Variants in FMO4 observed in about 807,000 individuals in gnomAD.
FMO4 encodes dimethylaniline monooxygenase [N-oxide-forming] 4.
FMO4 carries 38 observed loss-of-function variants against 43.3 expected under a neutral mutation model. That is an observed-to-expected ratio of 0.88 (90% CI 0.68 to 1.15). The LOEUF is 1.15. Among genes scored for constraint, FMO4 ranks in the 50% most tolerant of loss-of-function variants. FMO4 has a pLI of 0.00. For missense variants in FMO4, 631 were observed against 663.3 expected, an observed-to-expected ratio of 0.95 and a Z score of 0.54; for synonymous variants, 224 against 232.2, an observed-to-expected ratio of 0.96 and a Z score of 0.32.
At chr1:171,324,916 T>C (rs1407893200) in intron 5 of FMO4, among the ~76,000 whole-genome samples, 1 of 152,190 alleles carries the variant, frequency 6.6e-6, no homozygotes, top group Non-Finnish European at 1.5e-5. Flanking sequence ...GAGACCAGCC[T>C]GGGCATCATG....
intron 8 of FMO4, among the ~76,000 whole-genome samples, chr1:171,336,967 A>G (rs902407235): frequency 3.3e-5 from 5 of 151,236 alleles, no homozygotes; most frequent in Admixed American, 2.0e-4. Flanking sequence ...ACATGCACAC[A>G]CACACACACA....
intron 9 of FMO4, among the ~76,000 whole-genome samples, chr1:171,340,218 T>G (rs756531910): frequency 2.0e-5 from 3 of 152,194 alleles, no homozygotes; most frequent in Non-Finnish European, 2.9e-5. Context: ...GTTTTTATTT[T>G]CCAGAGGGCA....
intron 8 of FMO4, 146 bp from the exon 9 acceptor site, chr1:171,337,210 T>C: frequency 1.5e-6 from 1 of 687,490 alleles, no homozygotes. Context: ...CAGAAAATTA[T>C]TTTCTGTGCT....
At chr1:171,318,633 T>A (rs1435298441) in intron 2 of FMO4, among the ~76,000 whole-genome samples, 1 of 152,200 alleles carries the variant, frequency 6.6e-6, no homozygotes, top group Non-Finnish European at 1.5e-5. Context: ...GAATTTCATG[T>A]CAGTATTCAA....
chr1:171,337,244 T>C lies in FMO4; in HGVS notation c.1181-112T>C, dbSNP rs1663157318. 3 of 760,838 alleles carry C rather than the reference T, an allele frequency of 3.9e-6. No homozygotes were observed. The Admixed American group carries it at 6.2e-5, about 16-fold the overall frequency. 47.1% of individuals were successfully genotyped at this position (760,838 alleles called of 1,614,324 possible). On this transcript the variant is annotated intron_variant, in intron 8 of 9. Coordinates refer to ENST00000367749, the MANE Select transcript of FMO4 (RefSeq NM_002022.3). ...CTGCATTTCCATTCTGAGCTTTGAC[T>C]ATCATGTGCTCTGAAGTTAGAGCAG...
rs773284654 is a variant in FMO4, at chr1:171,323,060, T to C, written c.189T>C (p.Cys63=). ...ATAAGTCATTAGTGACAAATGTCTG[T>C]AAGGAAATGTCATGTTACAGTGACT... The part of the protein sequence containing the change: ...RVYKSLVTNV[C]KEMSCYSDFP... The change falls in exon 4 of 10, where the codon TGT becomes TGC. Residue 63 remains cysteine (C), a synonymous_variant. Transcript: ENST00000367749. 3 of 1,613,164 alleles carry C rather than the reference T, an allele frequency of 1.9e-6. No individual in the cohort carries two copies. The highest frequency in any genetic ancestry group is 2.5e-6 in the Non-Finnish European group (3 of 1,179,210).
At chr1:171,332,946 T>C in intron 7 of FMO4, 38 bp downstream of exon 7, 1 of 900,032 alleles carries the variant, frequency 1.1e-6, no homozygotes, top group East Asian at 2.6e-5. Flanking sequence ...AAATATTAAA[T>C]CAATATTTAT....
At chr1:171,339,069 G>A (rs559615223) in intron 9 of FMO4, among the ~76,000 whole-genome samples, 1 of 152,130 alleles carries the variant, frequency 6.6e-6, no homozygotes, top group Admixed American at 6.6e-5. Flanking sequence ...ACAGAAATAG[G>A]TATGAATAAT....
Position 171,322,268 on chromosome 1 carries a change from A to C in FMO4, c.133-736A>C, listed in dbSNP as rs578164218. On this transcript the variant is annotated intron_variant, in intron 3 of 9. Transcript: ENST00000367749. ...TTGGGAATATACGGAGACAATAATG[A>C]GAAAAATTAGTAAGGTATTCCCTGA... Among the ~76,000 whole-genome samples the C allele has an allele frequency of 2.6e-5, 4 of 152,310 alleles. No homozygotes were observed. In the South Asian group the frequency reaches 8.3e-4, roughly 32 times the overall value.
chr1:171,325,191 T>C (rs930288969), intron 5 of FMO4, among the ~76,000 whole-genome samples: 5 of 152,218 alleles, frequency 3.3e-5, no homozygotes, highest in African/African-American at 1.2e-4. Flanking sequence ...GAAACTTCCA[T>C]TTGGAAATGC....
Position 171,323,122 on chromosome 1 carries a change from A to T in FMO4, c.251A>T (p.His84Leu), listed in dbSNP as rs779621214. 21 of 1,613,472 alleles carry T rather than the reference A, an allele frequency of 1.3e-5. No homozygotes were observed. The highest frequency in any genetic ancestry group is 6.7e-5 in the Admixed American group (4 of 59,966). Residue 84 changes from histidine (H) to leucine (L), a missense_variant, in exon 4 of 10, where the codon CAT (histidine) becomes CTT (leucine). Transcript: ENST00000367749. ...FHEDYPNFMNHEKFWDYLQEF... is the reference protein window; with the variant it reads ...FHEDYPNFMNLEKFWDYLQEF... ...GAAGATTATCCTAATTTCATGAACC[A>T]TGAAAAATTTTGGGACTATCTCCAA...
At chr1:171,334,094 C>T (rs1432978621) in intron 7 of FMO4, among the ~76,000 whole-genome samples, 2 of 152,136 alleles carry the variant, frequency 1.3e-5, no homozygotes, top group African/African-American at 4.8e-5. Context: ...AATTGATCAT[C>T]AAATGGATTG....
chr1:171,337,033 T>G (rs1240140651), intron 8 of FMO4, among the ~76,000 whole-genome samples: 2 of 151,812 alleles, frequency 1.3e-5, no homozygotes, highest in Non-Finnish European at 2.9e-5. Flanking sequence ...ATTATATTAT[T>G]TATACAGCAA....
At chr1:171,322,777 C>CG in intron 3 of FMO4, among the ~76,000 whole-genome samples, 1 of 152,284 alleles carries the variant, frequency 6.6e-6, no homozygotes, top group South Asian at 2.1e-4. Context: ...CGCTTGAACC[C>CG]GGGAGGCAGA....
intron 1 of FMO4, among the ~76,000 whole-genome samples, chr1:171,314,771 G>A (rs1480806142): frequency 6.6e-6 from 1 of 152,124 alleles, no homozygotes; most frequent in Non-Finnish European, 1.5e-5. Flanking sequence ...AAAAAATACT[G>A]TAACAAAGCA....
At position 171,332,766 on chromosome 1, in the gene FMO4, T is replaced by C. The variant is rs1348284222; in HGVS notation, c.685T>C (p.Tyr229His). 6.2e-7 allele frequency: 1 copy of C among 1,612,236 alleles called. No individual in the cohort carries two copies. The highest frequency in any genetic ancestry group is 1.7e-5 in the Admixed American group (1 of 60,006). The part of the protein sequence containing the change: ...WVLGRSSDWG[Y>H]PYNMMVTRRC... ...TCTTGGGCGCTCTTCAGATTGGGGC[T>C]ATCCTTATAATATGATGGTTACAAG... The change falls in exon 7 of 10, where the codon TAT (tyrosine) becomes CAT (histidine). Residue 229 changes from tyrosine (Y) to histidine (H), a missense_variant. By Grantham distance (83) the Tyr-to-His change is moderately conservative (BLOSUM62 2). Transcript: ENST00000367749.
chr1:171,332,783 G>A lies in FMO4; in HGVS notation c.702G>A (p.Met234Ile), dbSNP rs886598373. 1 of 1,612,834 alleles carries A rather than the reference G, an allele frequency of 6.2e-7. No individual in the cohort carries two copies. Among genetic ancestry groups the A allele is most frequent in the Non-Finnish European group, 8.5e-7 (1 of 1,179,016 alleles). ...SSDWGYPYNM[M>I]VTRRCCSFIA... ...ATTGGGGCTATCCTTATAATATGAT[G>A]GTTACAAGAAGATGCTGTAGTTTTA... The change falls in exon 7 of 10, where the codon ATG becomes ATA. Residue 234 changes from methionine to isoleucine, a missense_variant. Met to Ile is a conservative substitution (Grantham distance 10). Coordinates refer to ENST00000367749, the MANE Select transcript of FMO4 (RefSeq NM_002022.3).
chr1:171,329,043 G>C (rs761746554), intron 5 of FMO4, among the ~76,000 whole-genome samples: 1 of 152,202 alleles, frequency 6.6e-6, no homozygotes, highest in Non-Finnish European at 1.5e-5. Flanking sequence ...TGAGCTGACA[G>C]CAGTGTCAAG....
At chr1:171,327,205 C>A (rs111608668) in intron 5 of FMO4, among the ~76,000 whole-genome samples, 5,653 of 152,272 alleles carry the variant, frequency 0.037, 346 homozygotes, top group African/African-American at 0.13. Flanking sequence ...TCGTGCTCCC[C>A]TTTTCCAATT....
Sources: allele counts gnomAD v4.1 joint callset (sites outside exome capture counted in the v4.1 genomes callset), GRCh38; gene constraint gnomAD v4.1.1; transcripts MANE v1.5; gene names NCBI Gene and HGNC (gene_info 2026-07-23, HGNC 2026-07-21).